Variants in LIF observed in about 807,000 individuals in gnomAD.
The protein encoded by LIF is leukemia inhibitory factor.
A neutral mutation model predicts 15.0 loss-of-function variants in LIF; 9 were observed. The ratio of observed to expected loss-of-function variants is 0.60; its 90% CI spans 0.36 to 1.04. The LOEUF is 1.04. Ranked by LOEUF, LIF falls within the 50% of genes least tolerant of loss-of-function variation. LIF has a pLI of 0.01. For missense variants in LIF, 240 were observed against 266.7 expected, an observed-to-expected ratio of 0.90 and a Z score of 0.70; for synonymous variants, 122 against 119.7, an observed-to-expected ratio of 1.02 and a Z score of -0.13.
intron 1 of LIF, chr22:30,246,272 G>T: frequency 4.4e-6 from 1 of 229,016 alleles, no homozygotes; most frequent in Non-Finnish European, 7.4e-6. Flanking sequence ...CCCTCCCTGG[G>T]AGCAGCCCGG....
chr22:30,243,385 A>C lies in LIF; in HGVS notation c.*266T>G. 1 of 563,762 alleles carries C rather than the reference A, an allele frequency of 1.8e-6. No individual in the cohort carries two copies. The highest frequency in any genetic ancestry group is 3.2e-6 in the Non-Finnish European group (1 of 313,534). 34.9% of individuals were successfully genotyped at this position (563,762 alleles called of 1,614,324 possible). On this transcript the variant is annotated 3_prime_UTR_variant, in exon 3 of 3. Coordinates refer to ENST00000249075, the MANE Select transcript of LIF (RefSeq NM_002309.5). This position sits in a 1 kb window ranked among gnomAD's most constrained non-coding sequence, Gnocchi z 6.0. The stretch of plus-strand genomic sequence containing the variant: ...GGCCAAAGGGACAAGTAGAGGCAGA[A>C]GTCCAGCCCACGCTCCCCAGTCCAC...
Position 30,243,889 on chromosome 22 carries a change from T to C in LIF, c.371A>G (p.Lys124Arg). The C allele has an allele frequency of 6.2e-7, 1 of 1,614,234 alleles. No homozygotes were observed. Among genetic ancestry groups the C allele is most frequent in the Non-Finnish European group, 8.5e-7 (1 of 1,180,036 alleles). ...GCTGAGGGCACTGGGGTTGAGGATC[T>C]TCTGGTCCCGGGTGATGTTGCCCAG... is the stretch of plus-strand genomic sequence containing the variant. ...TSLGNITRDQ[K>R]ILNPSALSLH... Residue 124 changes from lysine (K) to arginine (R), a missense_variant, in exon 3 of 3, where the codon AAG becomes AGG. Transcript: ENST00000249075. This position sits in a 1 kb window ranked among gnomAD's most constrained non-coding sequence, Gnocchi z 6.0.
chr22:30,244,757 A>G lies in LIF; in HGVS notation c.196T>C (p.Tyr66His), dbSNP rs1014837070. ...TCAGTATCCCAGGGGTAACTTACAT[A>G]GAGAATAAAGAGGGCATTGGCACTG... ...NGSANALFILYYTAQGEPFPN... is the reference protein window; with the variant it reads ...NGSANALFILHYTAQGEPFPN... The change falls in exon 2 of 3, where the codon TAT (tyrosine) becomes CAT (histidine). Residue 66 changes from tyrosine to histidine, a missense_variant and splice_region_variant. By Grantham distance (83) the Tyr-to-His change is moderately conservative (BLOSUM62 2). Transcript: ENST00000249075. 1.2e-6 allele frequency: 2 copies of G among 1,613,660 alleles called. No homozygotes were observed. Among genetic ancestry groups the G allele is most frequent in the Non-Finnish European group, 1.7e-6 (2 of 1,179,694 alleles).
rs1317065828 is a variant in LIF, at chr22:30,242,110, A to T, written c.*1541T>A. The T allele has an allele frequency of 6.5e-6, 1 of 152,914 alleles. No homozygotes were observed. The highest frequency in any genetic ancestry group is 1.5e-5 in the Non-Finnish European group (1 of 68,268). 9.5% of individuals were successfully genotyped at this position (152,914 alleles called of 1,614,324 possible). A position where few individuals can be genotyped will look rare whatever the true frequency, so the allele number is the denominator to read the frequency against. On this transcript the variant is annotated 3_prime_UTR_variant, in exon 3 of 3. Coordinates refer to ENST00000249075, the MANE Select transcript of LIF (RefSeq NM_002309.5). The stretch of plus-strand genomic sequence containing the variant: ...AGAGGCAGCATGGGGACACAGAAAC[A>T]AGGACAGGGTGGGCCACAAGGACTG...
At chr22:30,246,612 C>A (rs758576839) in intron 1 of LIF, 65 bp downstream of exon 1, 2 of 1,531,166 alleles carry the variant, frequency 1.3e-6, no homozygotes, top group Admixed American at 2.0e-5. Context: ...CGCTGCCAAG[C>A]GCCCCAAGTT....
chr22:30,245,909 G>A (rs966787549), intron 1 of LIF, among the ~76,000 whole-genome samples: 1 of 152,144 alleles, frequency 6.6e-6, no homozygotes, highest in Non-Finnish European at 1.5e-5. Flanking sequence ...CCCCCAGGGG[G>A]GCCTGTTCTC....
chr22:30,246,080 C>A (rs1928878368), intron 1 of LIF: 1 of 152,634 alleles, frequency 6.6e-6, no homozygotes, highest in South Asian at 2.1e-4. Flanking sequence ...GTTCACTTCT[C>A]CTGGGTCCCC....
In LIF at chr22:30,243,769, A is replaced by C; in HGVS notation, c.491T>G (p.Val164Gly). Reference sequence around the variant, plus strand: ...GGTGTCAGGGCCGTAGGTCACGTCCACATGGCCCACGTGGTACTTGCTGCA... The same window carrying C: ...GGTGTCAGGGCCGTAGGTCACGTCCCCATGGCCCACGTGGTACTTGCTGCA... ...RLCSKYHVGHVDVTYGPDTSG... is the reference protein window; with the variant it reads ...RLCSKYHVGHGDVTYGPDTSG... Residue 164 changes from valine (V) to glycine (G), a missense_variant, in exon 3 of 3, where the codon GTG becomes GGG. Transcript: ENST00000249075. The surrounding 1 kb of genome is among the most constrained non-coding windows in gnomAD (Gnocchi z 6.0). 3 of 1,614,254 alleles carry C rather than the reference A, an allele frequency of 1.9e-6. No individual in the cohort carries two copies. Among genetic ancestry groups the C allele is most frequent in the Non-Finnish European group, 2.5e-6 (3 of 1,180,044 alleles).
chr22:30,243,755 C>G lies in LIF; in HGVS notation c.505G>C (p.Gly169Arg), dbSNP rs146996425. The change falls in exon 3 of 3, where the codon GGC becomes CGC. Residue 169 changes from glycine (G) to arginine (R), a missense_variant. Physicochemically the swap from Gly to Arg is moderately radical, Grantham distance 125. Transcript: ENST00000249075. The surrounding 1 kb of genome is among the most constrained non-coding windows in gnomAD (Gnocchi z 6.0). ...ACATCCTTACCCGAGGTGTCAGGGC[C>G]GTAGGTCACGTCCACATGGCCCACG... ...YHVGHVDVTY[G>R]PDTSGKDVFQ... 6.2e-7 allele frequency: 1 copy of G among 1,614,114 alleles called. No homozygotes were observed. Among genetic ancestry groups the G allele is most frequent in the African/African-American group, 1.3e-5 (1 of 74,932 alleles).
intron 1 of LIF, among the ~76,000 whole-genome samples, chr22:30,245,681 C>A (rs953681311): frequency 1.3e-5 from 2 of 152,318 alleles, no homozygotes; most frequent in Non-Finnish European, 2.9e-5. Flanking sequence ...CCGGACAGCC[C>A]CTGACTCCAT....
Position 30,243,954 on chromosome 22 carries a change from C to G in LIF, c.306G>C (p.Leu102=). The G allele has an allele frequency of 6.2e-7, 1 of 1,614,170 alleles. No homozygotes were observed. Among genetic ancestry groups the G allele is most frequent in the Non-Finnish European group, 8.5e-7 (1 of 1,180,030 alleles). Reference sequence around the variant, plus strand: ...ACACGACTATGCGGTACAGCTCCACCAGCTTGGCCTTCTCCGTGCCGTTGG... The same window carrying G: ...ACACGACTATGCGGTACAGCTCCACGAGCTTGGCCTTCTCCGTGCCGTTGG... ...FHANGTEKAK[L]VELYRIVVYL... The change falls in exon 3 of 3, where the codon CTG becomes CTC. Residue 102 remains leucine, a synonymous_variant. Transcript: ENST00000249075. The surrounding 1 kb of genome is among the most constrained non-coding windows in gnomAD (Gnocchi z 6.0).
At chr22:30,245,540 C>T (rs113505437) in intron 1 of LIF, among the ~76,000 whole-genome samples, 11 of 152,206 alleles carry the variant, frequency 7.2e-5, no homozygotes, top group African/African-American at 2.4e-4. Flanking sequence ...CAATTCTGCC[C>T]CCGCCCCCAT....
At position 30,243,585 on chromosome 22, in the gene LIF, C is replaced by T; in HGVS notation, c.*66G>A. The T allele has an allele frequency of 6.2e-7, 1 of 1,605,786 alleles. No homozygotes were observed. Among genetic ancestry groups the T allele is most frequent in the Non-Finnish European group, 8.5e-7 (1 of 1,174,724 alleles). ...GCCCTGGGCCCCAGCCACCCTTGGACAGGCCCCCACATCTGGACCCAACTC... is the reference window on the plus strand; with the variant it reads ...GCCCTGGGCCCCAGCCACCCTTGGATAGGCCCCCACATCTGGACCCAACTC... On this transcript the variant is annotated 3_prime_UTR_variant, in exon 3 of 3. Transcript: ENST00000249075. The surrounding 1 kb of genome is among the most constrained non-coding windows in gnomAD (Gnocchi z 6.0).
Position 30,243,616 on chromosome 22 carries a change from A to G in LIF, c.*35T>C. The G allele has an allele frequency of 6.2e-7, 1 of 1,613,774 alleles. No individual in the cohort carries two copies. Among genetic ancestry groups the G allele is most frequent in the Non-Finnish European group, 8.5e-7 (1 of 1,179,932 alleles). On this transcript the variant is annotated 3_prime_UTR_variant, in exon 3 of 3. Transcript: ENST00000249075. The surrounding 1 kb of genome is among the most constrained non-coding windows in gnomAD (Gnocchi z 6.0). ...CCCACATCTGGACCCAACTCCTGAGATCCCTCGGTTCACAGCACACTTCAA... is the reference window on the plus strand; with the variant it reads ...CCCACATCTGGACCCAACTCCTGAGGTCCCTCGGTTCACAGCACACTTCAA...
In LIF at chr22:30,243,546, T is replaced by C; in HGVS notation, c.*105A>G. The C allele has an allele frequency of 7.0e-7, 1 of 1,438,218 alleles. No individual in the cohort carries two copies. The highest frequency in any genetic ancestry group is 1.1e-5 in the South Asian group (1 of 86,984). The allele number at this position is 1,438,218 out of a possible 1,614,324, so 89.1% of individuals were successfully genotyped here. A position where few individuals can be genotyped will look rare whatever the true frequency, so the allele number is the denominator to read the frequency against. ...CTCGGGGTCTGCCAGCAGCCCCCAT[T>C]TGGGTTTAGCGATGCCCTGGGCCCC... On this transcript the variant is annotated 3_prime_UTR_variant, in exon 3 of 3. Transcript: ENST00000249075. The surrounding 1 kb of genome is among the most constrained non-coding windows in gnomAD (Gnocchi z 6.0).
At position 30,245,019 on chromosome 22, in the gene LIF, T is replaced by A. The variant is rs1423745373; in HGVS notation, c.20-86A>T. ...GGCACACCGGATGGGGGTCCAACAA[T>A]GGCCGCATGGGAGAGGACTCCTGGT... is the stretch of plus-strand genomic sequence containing the variant. On this transcript the variant is annotated intron_variant, in intron 1 of 2. Transcript: ENST00000249075. The A allele has an allele frequency of 3.8e-6, 5 of 1,322,304 alleles. No homozygotes were observed. In the African/African-American group the frequency reaches 7.2e-5, roughly 19 times the overall value. 81.9% of individuals were successfully genotyped at this position (1,322,304 alleles called of 1,614,324 possible).
chr22:30,243,964 T>C lies in LIF; in HGVS notation c.296A>G (p.Lys99Arg). ...GCGGTACAGCTCCACCAGCTTGGCC[T>C]TCTCCGTGCCGTTGGCGTGGAAGGG... ...FPPFHANGTE[K>R]AKLVELYRIV... Residue 99 changes from lysine to arginine, a missense_variant, in exon 3 of 3, where the codon AAG becomes AGG. By Grantham distance (26) the Lys-to-Arg change is conservative. Coordinates refer to ENST00000249075, the MANE Select transcript of LIF (RefSeq NM_002309.5). The surrounding 1 kb of genome is among the most constrained non-coding windows in gnomAD (Gnocchi z 6.0). The C allele has an allele frequency of 6.2e-7, 1 of 1,614,154 alleles. No homozygotes were observed. The highest frequency in any genetic ancestry group is 8.5e-7 in the Non-Finnish European group (1 of 1,180,024).
rs750628718 is a variant in LIF, at chr22:30,243,802, C to T, written c.458G>A (p.Cys153Tyr). 1.2e-6 allele frequency: 2 copies of T among 1,614,122 alleles called. No homozygotes were observed. The highest frequency in any genetic ancestry group is 1.7e-6 in the Non-Finnish European group (2 of 1,180,054). ...ILRGLLSNVL[C>Y]RLCSKYHVGH... ...CACGTGGTACTTGCTGCACAGGCGG[C>T]ACAGCACGTTGCTAAGGAGGCCTCG... Residue 153 changes from cysteine to tyrosine, a missense_variant, in exon 3 of 3, where the codon TGC becomes TAC. Cys to Tyr is a radical substitution (Grantham distance 194). Coordinates refer to ENST00000249075, the MANE Select transcript of LIF (RefSeq NM_002309.5). The surrounding 1 kb of genome is among the most constrained non-coding windows in gnomAD (Gnocchi z 6.0).
Position 30,244,076 on chromosome 22 carries a change from G to T in LIF, c.199-15C>A, listed in dbSNP as rs546985580. On this transcript the variant is annotated splice_polypyrimidine_tract_variant and intron_variant, in intron 2 of 2. Coordinates refer to ENST00000249075, the MANE Select transcript of LIF (RefSeq NM_002309.5). ...TGGGCTGTGTACTGAGGGGCAGAAG[G>T]GAGGTGACGTGGGAGTCAGGGGTCA... 37 of 1,590,948 alleles carry T rather than the reference G, an allele frequency of 2.3e-5. 1 individual carries two copies. The South Asian group carries it at 3.9e-4, about 17-fold the overall frequency.
Sources: gnomAD v4.1 joint callset for allele counts (sites outside exome capture counted in the v4.1 genomes callset) on GRCh38, gnomAD v4.1.1 for gene constraint, Gnocchi (gnomAD v3.1) non-coding constraint, MANE v1.5 for transcripts, NCBI Gene and HGNC (gene_info 2026-07-23, HGNC 2026-07-21) for gene names.